Variants in GSE1 observed in about 807,000 individuals in gnomAD.
GSE1 encodes Gse1 coiled-coil protein, also known as genetic suppressor element 1.
A neutral mutation model predicts 112.6 loss-of-function variants in GSE1; 32 were observed. The observed-to-expected ratio is 0.28, with a 90% CI of 0.21 to 0.38. The LOEUF is 0.38. Ranked by LOEUF, GSE1 falls within the 10% of genes least tolerant of loss-of-function variation. The pLI is 1.00. For synonymous variants in GSE1, 1,115 were observed against 735.6 expected, an observed-to-expected ratio of 1.52 and a Z score of -8.35; for missense variants, 2,348 against 1,699.2, an observed-to-expected ratio of 1.38 and a Z score of -6.71.
chr16:85,538,607 A>G (rs2044413817), intron 2 of GSE1, among the ~76,000 whole-genome samples: 1 of 151,998 alleles, frequency 6.6e-6, no homozygotes, highest in African/African-American at 2.4e-5. Context: ...CCAGCCTTGG[A>G]AGCCAGCCGG....
intron 1 of GSE1, among the ~76,000 whole-genome samples, chr16:85,186,771 A>G (rs2074711550): frequency 6.6e-6 from 1 of 152,202 alleles, no homozygotes; most frequent in African/African-American, 2.4e-5. Context: ...TATCAAAACA[A>G]CAAAAGACAA....
At chr16:85,647,060 C>T (rs1567712954) in intron 2 of GSE1, among the ~76,000 whole-genome samples, 1 of 152,182 alleles carries the variant, frequency 6.6e-6, no homozygotes, top group Non-Finnish European at 1.5e-5. Context: ...TCTGAGAAGG[C>T]AGTTTTGCTC....
chr16:85,639,460 C>CT (rs1238743744), intron 2 of GSE1, among the ~76,000 whole-genome samples: 2 of 152,052 alleles, frequency 1.3e-5, no homozygotes, highest in African/African-American at 4.8e-5. Flanking sequence ...ACCCCCTGCG[C>CT]TGGACAGATT....
At chr16:85,566,987 G>A (rs575765639) in intron 1 of GSE1, among the ~76,000 whole-genome samples, 11 of 152,092 alleles carry the variant, frequency 7.2e-5, no homozygotes, top group Middle Eastern at 3.4e-3. Context: ...GAAGTGTCAC[G>A]GCCTTTATCT....
At chr16:85,661,820 G>C (rs941233187) in intron 9 of GSE1, 55 bp downstream of exon 9, 1 of 1,429,400 alleles carries the variant, frequency 7.0e-7, no homozygotes, top group African/African-American at 1.4e-5. Flanking sequence ...AGTGGGGATG[G>C]GGAGCCTGCA....
At chr16:85,560,196 C>T (rs1306902190) in intron 1 of GSE1, among the ~76,000 whole-genome samples, 3 of 130,526 alleles carry the variant, frequency 2.3e-5, no homozygotes, top group Non-Finnish European at 3.1e-5. Context: ...AGTGCAATGG[C>T]GAGATTTCGG....
chr16:85,533,237 C>G (rs2044193836), intron 2 of GSE1, among the ~76,000 whole-genome samples: 1 of 147,034 alleles, frequency 6.8e-6, no homozygotes, highest in African/African-American at 2.5e-5. Flanking sequence ...TGGCGAAAAC[C>G]TGTCTCTACT....
chr16:85,251,841 C>T (rs565791019), intron 1 of GSE1, among the ~76,000 whole-genome samples: 27 of 152,332 alleles, frequency 1.8e-4, no homozygotes, highest in South Asian at 8.3e-4. Context: ...TGCACACAAC[C>T]GCTGGGTGTG....
intron 1 of GSE1, among the ~76,000 whole-genome samples, chr16:85,263,640 T>C (rs1318475019): frequency 6.6e-6 from 1 of 151,974 alleles, no homozygotes; most frequent in Non-Finnish European, 1.5e-5. Context: ...TGGAGTGATT[T>C]TGGCTCACTG....
At chr16:85,631,131 G>T (rs995975282) in intron 1 of GSE1, among the ~76,000 whole-genome samples, 1 of 152,188 alleles carries the variant, frequency 6.6e-6, no homozygotes, top group African/African-American at 2.4e-5. Context: ...TGTCCGTGTG[G>T]GTCCCTGTGA....
intron 1 of GSE1, among the ~76,000 whole-genome samples, chr16:85,203,308 C>T (rs1156438798): frequency 6.6e-6 from 1 of 152,114 alleles, no homozygotes; most frequent in Non-Finnish European, 1.5e-5. Flanking sequence ...CAGGTGGGGT[C>T]CTGGTGAAGC....
intron 1 of GSE1, among the ~76,000 whole-genome samples, chr16:85,602,661 G>A (rs1246964941): frequency 6.6e-6 from 1 of 152,324 alleles, no homozygotes; most frequent in East Asian, 1.9e-4. Context: ...CTCTGAGCCA[G>A]TGGATGGACC....
At chr16:85,197,174 GAC>G (rs2074943611) in intron 1 of GSE1, among the ~76,000 whole-genome samples, 1 of 152,184 alleles carries the variant, frequency 6.6e-6, no homozygotes, top group Non-Finnish European at 1.5e-5. Context: ...GGGGAAGCCA[GAC>G]ACAGGGACGG....
intron 1 of GSE1, among the ~76,000 whole-genome samples, chr16:85,629,006 C>G (rs995112871): frequency 6.6e-6 from 1 of 152,136 alleles, no homozygotes; most frequent in Non-Finnish European, 1.5e-5. Context: ...ATCACCGTCA[C>G]CTTAGTGGTG....
At chr16:85,587,238 C>T (rs1055178592) in intron 1 of GSE1, among the ~76,000 whole-genome samples, 6 of 151,630 alleles carry the variant, frequency 4.0e-5, no homozygotes, top group East Asian at 3.9e-4. Context: ...CAGGAAAGAG[C>T]GGACGGGAGA....
At chr16:85,574,383 CTCT>C (rs1279228724) in intron 1 of GSE1, among the ~76,000 whole-genome samples, 1 of 152,202 alleles carries the variant, frequency 6.6e-6, no homozygotes, top group African/African-American at 2.4e-5. Flanking sequence ...ACTAGGAGGG[CTCT>C]TCTTGACACC....
At chr16:85,214,358 T>A (rs996593592) in intron 1 of GSE1, among the ~76,000 whole-genome samples, 1 of 152,016 alleles carries the variant, frequency 6.6e-6, no homozygotes, top group Non-Finnish European at 1.5e-5. Context: ...GGGGCCTATA[T>A]CCAGGGACTG....
intron 1 of GSE1, among the ~76,000 whole-genome samples, chr16:85,562,487 A>G (rs532351091): frequency 2.6e-5 from 4 of 152,326 alleles, no homozygotes; most frequent in East Asian, 1.9e-4. Context: ...CTCTGGAGAC[A>G]GAAGAGGTTT....
chr16:85,202,403 T>C (rs2075044781), intron 1 of GSE1, among the ~76,000 whole-genome samples: 1 of 152,226 alleles, frequency 6.6e-6, no homozygotes. Context: ...ACAAGCGGCC[T>C]GGCTTGGCTG....
Sources: gnomAD v4.1 joint callset for allele counts (sites outside exome capture counted in the v4.1 genomes callset) on GRCh38, gnomAD v4.1.1 for gene constraint, MANE v1.5 for transcripts, NCBI Gene and HGNC (gene_info 2026-07-23, HGNC 2026-07-21) for gene names.